Variants in PDCD7 observed in about 807,000 individuals in gnomAD.
PDCD7 encodes programmed cell death protein 7.
A neutral mutation model predicts 42.1 loss-of-function variants in PDCD7; 40 were observed. That is an observed-to-expected ratio of 0.95 (90% confidence interval 0.74 to 1.24). The LOEUF (loss-of-function observed/expected upper bound fraction) is 1.24, where lower values mean the gene tolerates loss of function less well. PDCD7 is among the 50% of genes most tolerant of loss of function. The pLI is 0.00. For synonymous variants in PDCD7, 299 were observed against 303.3 expected (o/e 0.99, Z 0.15); for missense variants, 644 against 662.8 (o/e 0.97, Z 0.31).
In PDCD7 at chr15:65,133,147, G is replaced by A. The variant is rs1254274039; in HGVS notation, c.635C>T (p.Thr212Ile). ...GGCCAGTTCCGCGCGCAGCGGCGCG[G>A]TCTGGGAGTACAGCAGGACCCAGGC... is the stretch of plus-strand genomic sequence containing the variant. Reference protein sequence around the residue: ...GAAWVLLYSQTAPLRAELAER... With the variant: ...GAAWVLLYSQIAPLRAELAER... The change falls in exon 1 of 5, where the codon ACC becomes ATC. Residue 212 changes from threonine to isoleucine, a missense_variant. Thr to Ile is a moderately conservative substitution (Grantham distance 89). Transcript: ENST00000204549. 6.5e-7 allele frequency: 1 copy of A among 1,531,772 alleles called. No individual in the cohort carries two copies. Among genetic ancestry groups the A allele is most frequent in the African/African-American group, 1.4e-5 (1 of 72,350 alleles). 94.9% of individuals were successfully genotyped at this position (1,531,772 alleles called of 1,614,324 possible).
chr15:65,128,724 T>C (rs2087516165), intron 2 of PDCD7, among the ~76,000 whole-genome samples: 1 of 152,214 alleles, frequency 6.6e-6, no homozygotes, highest in African/African-American at 2.4e-5. Context: ...CAAAGGTGAC[T>C]AGCCATGACA....
Position 65,133,008 on chromosome 15 carries a change from G to A in PDCD7, c.774C>T (p.Ala258=), listed in dbSNP as rs557429900. 7 of 1,602,680 alleles carry A rather than the reference G, an allele frequency of 4.4e-6. No individual in the cohort carries two copies. Among genetic ancestry groups the A allele is most frequent in the African/African-American group, 1.3e-5 (1 of 74,834 alleles). ...RLRERARERE[A]EREAEAARAV... ...CCCGCGCGGCCTCTGCCTCCCGCTC[G>A]GCCTCGCGTTCCCGGGCCCTCTCGC... The change falls in exon 1 of 5, where the codon GCC becomes GCT. Residue 258 remains alanine (A), a synonymous_variant. Transcript: ENST00000204549.
chr15:65,119,598 C>T, intron 3 of PDCD7, 120 bp downstream of exon 3: 1 of 1,258,922 alleles, frequency 7.9e-7, no homozygotes, highest in Non-Finnish European at 1.1e-6. Context: ...TTCTATGACA[C>T]AGAATTGCAT....
intron 2 of PDCD7, among the ~76,000 whole-genome samples, chr15:65,124,901 G>A (rs2087483779): frequency 6.6e-6 from 1 of 152,140 alleles, no homozygotes; most frequent in African/African-American, 2.4e-5. Flanking sequence ...ATTTGATTGT[G>A]TCATCCATTG....
In PDCD7 at chr15:65,133,425, G is replaced by A; in HGVS notation, c.357C>T (p.Ser119=). Residue 119 remains serine, a synonymous_variant, in exon 1 of 5, where the codon AGC becomes AGT. Transcript: ENST00000204549. Reference sequence around the variant, plus strand: ...GCGGCGGCGCCTCAGGCCACCGCGGGCTCCAGGGCGGCCCCGGGCCGGGAG... The same window carrying A: ...GCGGCGGCGCCTCAGGCCACCGCGGACTCCAGGGCGGCCCCGGGCCGGGAG... ...PPPPGPGPPW[S]PRWPEAPPPP... 2.5e-6 allele frequency: 3 copies of A among 1,183,102 alleles called. No homozygotes were observed. The highest frequency in any genetic ancestry group is 3.1e-6 in the Non-Finnish European group (3 of 956,866). 73.3% of individuals were successfully genotyped at this position (1,183,102 alleles called of 1,614,324 possible). A position where few individuals can be genotyped will look rare whatever the true frequency, so the allele number is the denominator to read the frequency against.
intron 1 of PDCD7, among the ~76,000 whole-genome samples, chr15:65,131,701 A>T (rs2087541286): frequency 6.6e-6 from 1 of 152,134 alleles, no homozygotes. Context: ...GTGAACCAAG[A>T]TCATGCCATT....
At chr15:65,132,774 A>G in intron 1 of PDCD7, 138 bp downstream of exon 1, 2 of 1,283,448 alleles carry the variant, frequency 1.6e-6, no homozygotes, top group Non-Finnish European at 2.1e-6. Flanking sequence ...TGGTGGTATG[A>G]GCTGGGAAGG....
chr15:65,120,308 C>T (rs571014716), intron 2 of PDCD7, among the ~76,000 whole-genome samples: 2 of 152,140 alleles, frequency 1.3e-5, no homozygotes, highest in Non-Finnish European at 2.9e-5. Context: ...CGTGCCACCA[C>T]ATCTAGCCAA....
chr15:65,125,398 T>G (rs2087487622), intron 2 of PDCD7, among the ~76,000 whole-genome samples: 2 of 152,186 alleles, frequency 1.3e-5, no homozygotes, highest in South Asian at 4.1e-4. Context: ...CCTTGCCAGA[T>G]ACTGATGTTG....
rs2087562273 is a variant in PDCD7 at position 65,133,588 on chromosome 15, C to G, written c.194G>C (p.Arg65Pro). 2 of 1,233,020 alleles carry G rather than the reference C, an allele frequency of 1.6e-6. No individual in the cohort carries two copies. The highest frequency in any genetic ancestry group is 1.6e-5 in the African/African-American group (1 of 64,408). 76.4% of individuals were successfully genotyped at this position (1,233,020 alleles called of 1,614,324 possible). Reference sequence around the variant, plus strand: ...GCCGCGGGAGGCCTCCGCGGAGGCTCGGGGCTGCAGAGCCAGCGGAGGCTG... The same window carrying G: ...GCCGCGGGAGGCCTCCGCGGAGGCTGGGGGCTGCAGAGCCAGCGGAGGCTG... The part of the protein sequence containing the change: ...FLQPPLALQP[R>P]ASAEASRGGG... The change falls in exon 1 of 5, where the codon CGA becomes CCA. Residue 65 changes from arginine (R) to proline (P), a missense_variant. By Grantham distance (103) the Arg-to-Pro change is moderately radical. Coordinates refer to ENST00000204549, the MANE Select transcript of PDCD7 (RefSeq NM_005707.2).
chr15:65,127,786 G>C (rs1054734770), intron 2 of PDCD7, among the ~76,000 whole-genome samples: 2 of 152,146 alleles, frequency 1.3e-5, no homozygotes, highest in African/African-American at 4.8e-5. Flanking sequence ...ATTAATATTG[G>C]GAAATGCTGG....
chr15:65,129,419 G>C (rs1013079113), intron 1 of PDCD7, among the ~76,000 whole-genome samples: 3 of 152,138 alleles, frequency 2.0e-5, no homozygotes, highest in Non-Finnish European at 4.4e-5. Flanking sequence ...ACATAGCACT[G>C]GTTTTGTTTC....
chr15:65,126,755 T>TAA (rs1322280768), intron 2 of PDCD7, among the ~76,000 whole-genome samples: 2 of 128,440 alleles, frequency 1.6e-5, no homozygotes, highest in African/African-American at 2.9e-5. Context: ...CCCTGTCTTT[T>TAA]AAAAAAAAAA....
intron 1 of PDCD7, among the ~76,000 whole-genome samples, chr15:65,132,069 T>C (rs940692371): frequency 1.4e-5 from 2 of 147,646 alleles, no homozygotes; most frequent in African/African-American, 5.0e-5. Flanking sequence ...CACATACACA[T>C]ACATACATAT....
At chr15:65,128,651 C>T (rs1384026162) in intron 2 of PDCD7, among the ~76,000 whole-genome samples, 2 of 152,210 alleles carry the variant, frequency 1.3e-5, no homozygotes, top group Non-Finnish European at 2.9e-5. Flanking sequence ...AAGAAGCATG[C>T]CAAGTTTTCA....
intron 2 of PDCD7, among the ~76,000 whole-genome samples, chr15:65,128,320 T>C (rs1366593435): frequency 1.3e-5 from 2 of 152,196 alleles, no homozygotes; most frequent in East Asian, 3.8e-4. Flanking sequence ...TGCATGTGTA[T>C]TTGGTTTTGA....
intron 2 of PDCD7, among the ~76,000 whole-genome samples, chr15:65,128,174 G>C (rs888572246): frequency 6.6e-6 from 1 of 152,138 alleles, no homozygotes; most frequent in South Asian, 2.1e-4. Flanking sequence ...TTGCTAATTT[G>C]TACACTCTCA....
chr15:65,118,336 C>T lies in PDCD7; in HGVS notation c.*381G>A, dbSNP rs960569919. 6.2e-6 allele frequency: 1 copy of T among 161,632 alleles called. No individual in the cohort carries two copies. Among genetic ancestry groups the T allele is most frequent in the African/African-American group, 2.4e-5 (1 of 41,822 alleles). The allele number at this position is 161,632 out of a possible 1,614,324, so 10.0% of individuals were successfully genotyped here. ...TTCACACTCACTATTAGTAGAAGGG[C>T]TGTGAAATCTACCCATCACACACCT... On this transcript the variant is annotated 3_prime_UTR_variant, in exon 5 of 5. Coordinates refer to ENST00000204549, the MANE Select transcript of PDCD7 (RefSeq NM_005707.2).
At chr15:65,129,246 G>A in intron 1 of PDCD7, 76 bp from the exon 2 acceptor site, 1 of 1,480,106 alleles carries the variant, frequency 6.8e-7, no homozygotes, top group South Asian at 1.2e-5. Flanking sequence ...CCAGTGGTTA[G>A]ATTTTAAAGG....
Sources: gnomAD v4.1 joint callset for allele counts (sites outside exome capture counted in the v4.1 genomes callset) on GRCh38, gnomAD v4.1.1 for gene constraint, MANE v1.5 for transcripts, NCBI Gene and HGNC (gene_info 2026-07-23, HGNC 2026-07-21) for gene names.